The following TOGARAM2 variants were observed in gnomAD, a reference collection of about 807,000 sequenced individuals.
TOGARAM2 encodes the protein TOG array regulator of axonemal microtubules 2, also known as TOG array regulator of axonemal microtubules protein 2.
In TOGARAM2, 85 loss-of-function variants were observed where a neutral mutation model predicts 93.3. The observed-to-expected ratio is 0.91, with a 90% CI of 0.76 to 1.09. TOGARAM2 has a LOEUF of 1.09. Among genes scored for constraint, TOGARAM2 ranks in the 50% least tolerant of loss-of-function variants. The pLI is 0.00. For missense variants in TOGARAM2, 1,277 were observed against 1,334.5 expected, an observed-to-expected ratio of 0.96 and a Z score of 0.67; for synonymous variants, 593 against 552.8, an observed-to-expected ratio of 1.07 and a Z score of -1.02.
At chr2:28,960,655 T>C (rs946768924) in intron 1 of TOGARAM2, among the ~76,000 whole-genome samples, 1 of 152,360 alleles carries the variant, frequency 6.6e-6, no homozygotes, top group East Asian at 1.9e-4. Flanking sequence ...TTTCCCTAAG[T>C]GAGTTTAACT....
intron 1 of TOGARAM2, among the ~76,000 whole-genome samples, chr2:28,967,998 T>C (rs1671890379): frequency 6.6e-6 from 1 of 151,942 alleles, no homozygotes; most frequent in Non-Finnish European, 1.5e-5. Flanking sequence ...TTTGTGTTTT[T>C]AGTAGAGACA....
intron 1 of TOGARAM2, among the ~76,000 whole-genome samples, chr2:28,962,183 T>G (rs1307358277): frequency 2.0e-5 from 3 of 151,918 alleles, no homozygotes; most frequent in Non-Finnish European, 4.4e-5. Context: ...ACATAGTTTT[T>G]TTTTTTTTTT....
At chr2:29,037,306 G>T (rs1374172039) in intron 18 of TOGARAM2, among the ~76,000 whole-genome samples, 1 of 152,122 alleles carries the variant, frequency 6.6e-6, no homozygotes, top group Non-Finnish European at 1.5e-5. Flanking sequence ...GGTGATGTTT[G>T]GTGTACCCAG....
At chr2:29,019,659 C>T (rs959082052) in intron 10 of TOGARAM2, among the ~76,000 whole-genome samples, 1 of 152,000 alleles carries the variant, frequency 6.6e-6, no homozygotes, top group Non-Finnish European at 1.5e-5. Flanking sequence ...GGCAGGTGAG[C>T]GGGTAGGTAG....
intron 6 of TOGARAM2, among the ~76,000 whole-genome samples, chr2:29,009,724 G>A (rs980578103): frequency 6.6e-6 from 1 of 152,148 alleles, no homozygotes; most frequent in Non-Finnish European, 1.5e-5. Flanking sequence ...ATGCTTAGAC[G>A]TTTGGGTTGG....
Position 28,999,385 on chromosome 2 carries a change from A to G in TOGARAM2, c.344A>G (p.Asn115Ser). 1 of 1,613,516 alleles carries G rather than the reference A, an allele frequency of 6.2e-7. No homozygotes were observed. Among genetic ancestry groups the G allele is most frequent in the Non-Finnish European group, 8.5e-7 (1 of 1,179,702 alleles). Residue 115 changes from asparagine (N) to serine (S), a missense_variant, in exon 4 of 20, where the codon AAC becomes AGC. Coordinates refer to ENST00000379558, the MANE Select transcript of TOGARAM2 (RefSeq NM_199280.4). Reference protein sequence around the residue: ...VLLPSPESEANSVARDTIQIK... With the variant: ...VLLPSPESEASSVARDTIQIK... ...CTCCCTTCTCCGGAGTCAGAGGCCA[A>G]CAGCGTGGCCAGGGACACCATCCAG...
intron 1 of TOGARAM2, among the ~76,000 whole-genome samples, chr2:28,991,532 G>T (rs1165700550): frequency 6.6e-6 from 1 of 152,206 alleles, no homozygotes; most frequent in Non-Finnish European, 1.5e-5. Context: ...GAGAACTCTG[G>T]CTGGAGACGT....
At chr2:28,998,319 G>A (rs1202396943) in intron 3 of TOGARAM2, 66 bp downstream of exon 3, 2 of 1,113,020 alleles carry the variant, frequency 1.8e-6, no homozygotes, top group Non-Finnish European at 2.6e-6. Flanking sequence ...AGTGAGTGTG[G>A]TAGATGCCGG....
At chr2:29,006,332 GTGTGTGTA>G (rs1382944064) in intron 6 of TOGARAM2, among the ~76,000 whole-genome samples, 10 of 145,570 alleles carry the variant, frequency 6.9e-5, no homozygotes, top group Admixed American at 2.7e-4. Flanking sequence ...GTGTGTGCAT[GTGTGTGTA>G]TGTGTGTATG....
chr2:29,023,096 G>C lies in TOGARAM2; in HGVS notation c.1522G>C (p.Glu508Gln). The part of the protein sequence containing the change: ...CLNSSDWQMK[E>Q]KGLVSIQRLA... ...GGCCTTGCTTCTCAGGCAGATGAAG[G>C]AGAAGGGTCTGGTGAGCATCCAGCG... Residue 508 changes from glutamate to glutamine, a missense_variant, in exon 12 of 20, where the codon GAG becomes CAG. By Grantham distance (29) the Glu-to-Gln change is conservative. Coordinates refer to ENST00000379558, the MANE Select transcript of TOGARAM2 (RefSeq NM_199280.4). 1 of 1,594,462 alleles carries C rather than the reference G, an allele frequency of 6.3e-7. No homozygotes were observed.
At chr2:28,980,209 C>G (rs973702243), upstream of TOGARAM2, among the ~76,000 whole-genome samples, 5 of 152,226 alleles carry the variant, frequency 3.3e-5, no homozygotes, top group Non-Finnish European at 7.4e-5. Context: ...ACCTTGTTCT[C>G]AGTCATAATT....
intron 1 of TOGARAM2, among the ~76,000 whole-genome samples, chr2:28,963,395 A>T (rs1370108809): frequency 2.0e-5 from 3 of 152,026 alleles, no homozygotes; most frequent in African/African-American, 7.2e-5. Flanking sequence ...CGTTTTAGAG[A>T]TGAGGTCTTG....
At chr2:29,045,050 C>A (rs1666660947) in intron 18 of TOGARAM2, among the ~76,000 whole-genome samples, 1 of 152,166 alleles carries the variant, frequency 6.6e-6, no homozygotes, top group Non-Finnish European at 1.5e-5. Flanking sequence ...AAACTCCTGT[C>A]AATTTTGAGA....
intron 18 of TOGARAM2, among the ~76,000 whole-genome samples, chr2:29,041,316 G>A (rs532683573): frequency 3.3e-5 from 5 of 152,190 alleles, no homozygotes; most frequent in South Asian, 4.2e-4. Flanking sequence ...GAGCCATTGC[G>A]CCCGGCCTTG....
chr2:29,013,958 C>G lies in TOGARAM2; in HGVS notation c.878-437C>G, dbSNP rs1664401956. On this transcript the variant is annotated intron_variant, in intron 7 of 19. Coordinates refer to ENST00000379558, the MANE Select transcript of TOGARAM2 (RefSeq NM_199280.4). ...AGTGTTAGATCTCTGGTCCTGGCAACTCTGCCCTTTCCTGCTGCGTCATGC... is the reference window on the plus strand; with the variant it reads ...AGTGTTAGATCTCTGGTCCTGGCAAGTCTGCCCTTTCCTGCTGCGTCATGC... Among the ~76,000 whole-genome samples the G allele has an allele frequency of 1.3e-5, 2 of 151,946 alleles. 1 individual carries two copies. Among genetic ancestry groups the G allele is most frequent in the South Asian group, 4.2e-4 (2 of 4,816 alleles).
chr2:28,974,127 C>CT (rs34500191), intron 1 of TOGARAM2, among the ~76,000 whole-genome samples: 7,835 of 127,140 alleles, frequency 0.062, 651 homozygotes, highest in African/African-American at 0.16. Context: ...ATAATATATC[C>CT]TTTTTTTTTT....
chr2:29,000,909 C>G (rs956808368), intron 4 of TOGARAM2, among the ~76,000 whole-genome samples: 2 of 152,198 alleles, frequency 1.3e-5, no homozygotes, highest in African/African-American at 2.4e-5. Context: ...ACCAACAACT[C>G]TCTCCCTTAG....
intron 1 of TOGARAM2, among the ~76,000 whole-genome samples, chr2:28,974,728 C>G (rs187827808): frequency 6.6e-5 from 10 of 152,224 alleles, no homozygotes; most frequent in African/African-American, 2.2e-4. Context: ...ATTCTCCTGC[C>G]TCAGCCTCTT....
intron 2 of TOGARAM2, among the ~76,000 whole-genome samples, chr2:28,996,897 G>A (rs541942839): frequency 5.2e-4 from 78 of 150,634 alleles, no homozygotes; most frequent in Admixed American, 1.1e-3. Flanking sequence ...CTTTTTTATG[G>A]CCTAATAGTA....
Sources: allele counts gnomAD v4.1 joint callset (sites outside exome capture counted in the v4.1 genomes callset), GRCh38; gene constraint gnomAD v4.1.1; transcripts MANE v1.5; gene names NCBI Gene and HGNC (gene_info 2026-07-23, HGNC 2026-07-21).